Variants in ALPK3 observed in about 807,000 individuals in gnomAD.
The protein encoded by ALPK3 is alpha-protein kinase 3.
In ALPK3, 102 loss-of-function variants were observed where a neutral mutation model predicts 140.0. The ratio of observed to expected loss-of-function variants is 0.73; its 90% CI spans 0.62 to 0.86. The LOEUF is 0.86. ALPK3 is among the 40% of genes least tolerant of loss of function. The probability of loss-of-function intolerance (pLI) is 0.00; values close to 1 mark genes in which losing one functional copy is unlikely to be tolerated. For synonymous variants in ALPK3, 938 were observed against 898.5 expected, an observed-to-expected ratio of 1.04 and a Z score of -0.79; for missense variants, 2,254 against 2,208.2, an observed-to-expected ratio of 1.02 and a Z score of -0.42.
At chr15:84,867,393 C>T in intron 13 of ALPK3, 28 bp downstream of exon 13, 1 of 1,612,752 alleles carries the variant, frequency 6.2e-7, no homozygotes, top group Non-Finnish European at 8.5e-7. Flanking sequence ...ACAGAATGCC[C>T]TCTGGGCGTC....
At chr15:84,838,660 C>T (rs1963621886) in intron 3 of ALPK3, among the ~76,000 whole-genome samples, 1 of 147,566 alleles carries the variant, frequency 6.8e-6, no homozygotes. Context: ...CTCACTATCG[C>T]CTAGGCTAGA....
Position 84,868,509 on chromosome 15 carries a change from C to T in ALPK3, c.*53C>T, listed in dbSNP as rs1434961738. On this transcript the variant is annotated 3_prime_UTR_variant, in exon 14 of 14. Coordinates refer to ENST00000258888, the MANE Select transcript of ALPK3 (RefSeq NM_020778.5). ...CAGCAGCAGACCAACCAGGAAGCAG[C>T]TTGAACTGGATGGAGACTTTCCAAA... The T allele has an allele frequency of 6.7e-7, 1 of 1,499,076 alleles. No homozygotes were observed. The highest frequency in any genetic ancestry group is 1.4e-5 in the African/African-American group (1 of 71,384). The allele number at this position is 1,499,076 out of a possible 1,614,324, so 92.9% of individuals were successfully genotyped here.
At position 84,858,273 on chromosome 15, in the gene ALPK3, G is replaced by A. The variant is rs776845827; in HGVS notation, c.3535G>A (p.Glu1179Lys). The change falls in exon 6 of 14, where the codon GAG (glutamate) becomes AAG (lysine). Residue 1179 changes from glutamate (E) to lysine (K), a missense_variant. This residue lies in a region of ALPK3 where 2,088 missense variants were observed against 2,022.9 expected (regional missense o/e 1.03). Coordinates refer to ENST00000258888, the MANE Select transcript of ALPK3 (RefSeq NM_020778.5). Reference protein sequence around the residue: ...LPKVRAAGDGEATTPEERESP... With the variant: ...LPKVRAAGDGKATTPEERESP... ...TAAGGTCAGAGCAGCAGGAGACGGGGAGGCAACCACACCTGAAGAAAGGGA... is the reference window on the plus strand; with the variant it reads ...TAAGGTCAGAGCAGCAGGAGACGGGAAGGCAACCACACCTGAAGAAAGGGA... 13 of 1,592,386 alleles carry A rather than the reference G, an allele frequency of 8.2e-6. No individual in the cohort carries two copies. The Admixed American group carries it at 2.1e-4, about 26-fold the overall frequency.
At chr15:84,822,855 C>T (rs1036760278) in intron 1 of ALPK3, among the ~76,000 whole-genome samples, 1 of 152,246 alleles carries the variant, frequency 6.6e-6, no homozygotes, top group Admixed American at 6.5e-5. Flanking sequence ...CATACTTTAA[C>T]ATATTAATGA....
At chr15:84,860,126 G>A (rs761875389) in intron 9 of ALPK3, 54 bp downstream of exon 9, 106 of 1,597,990 alleles carry the variant, frequency 6.6e-5, no homozygotes, top group Non-Finnish European at 8.0e-5. Context: ...CATCTGCAGG[G>A]AGGACCCTCT....
In ALPK3 at chr15:84,846,877, GC is replaced by G. The variant is rs372811489; in HGVS notation, c.1653+5947del. On this transcript the variant is annotated intron_variant, in intron 5 of 13. Transcript: ENST00000258888. ...CCTCCTGGGTTCAAGAGATTCTCCT[GC>G]CTCAGCCTCCTGAGGGAGTAGCTGG... Among the ~76,000 whole-genome samples the G allele has an allele frequency of 2.0e-3, 300 of 152,162 alleles. 3 individuals carry two copies. The highest frequency in any genetic ancestry group is 6.8e-3 in the African/African-American group (282 of 41,518).
chr15:84,822,697 C>T (rs1567085975), intron 1 of ALPK3, among the ~76,000 whole-genome samples: 1 of 152,172 alleles, frequency 6.6e-6, no homozygotes, highest in Non-Finnish European at 1.5e-5. Context: ...CCTAGCTGCC[C>T]CAGGCAAGAG....
chr15:84,865,540 T>C lies in ALPK3; in HGVS notation c.4723+875T>C, dbSNP rs569881429. 4.6e-5 allele frequency among the ~76,000 whole-genome samples: 7 copies of C among 152,320 alleles called. No individual in the cohort carries two copies. The East Asian group carries it at 1.2e-3, about 25-fold the overall frequency. On this transcript the variant is annotated intron_variant, in intron 12 of 13. Transcript: ENST00000258888. ...CTTATAAACTCATGCTTCCATCCTT[T>C]TTCCATCCAACCATTACTAAATATT...
Position 84,840,765 on chromosome 15 carries a change from A to T in ALPK3, c.1486A>T (p.Ser496Cys). The T allele has an allele frequency of 4.3e-6, 7 of 1,614,250 alleles. No homozygotes were observed. Among genetic ancestry groups the T allele is most frequent in the Non-Finnish European group, 5.9e-6 (7 of 1,180,042 alleles). Residue 496 changes from serine (S) to cysteine (C), a missense_variant, in exon 5 of 14, where the codon AGC becomes TGC. Physicochemically the swap from Ser to Cys is moderately radical, Grantham distance 112. This residue lies in a region of ALPK3 where 2,088 missense variants were observed against 2,022.9 expected (regional missense o/e 1.03). Coordinates refer to ENST00000258888, the MANE Select transcript of ALPK3 (RefSeq NM_020778.5). ...PKPKGEATTD[S>C]KPISSLSQAP... ...GCCCAAAGGAGAGGCCACCACTGAC[A>T]GCAAGCCCATTTCTTCTCTGAGTCA...
At chr15:84,821,765 G>T (rs1413099377) in intron 1 of ALPK3, among the ~76,000 whole-genome samples, 1 of 151,914 alleles carries the variant, frequency 6.6e-6, no homozygotes, top group African/African-American at 2.4e-5. Flanking sequence ...TAGAACAGCA[G>T]TTAAATACCC....
intron 5 of ALPK3, among the ~76,000 whole-genome samples, chr15:84,852,056 C>T (rs1475006967): frequency 2.0e-5 from 3 of 152,140 alleles, no homozygotes; most frequent in Non-Finnish European, 4.4e-5. Flanking sequence ...GCAGATAGTA[C>T]CAAACCCTAT....
At chr15:84,833,461 G>A (rs1382799331) in intron 3 of ALPK3, among the ~76,000 whole-genome samples, 1 of 152,228 alleles carries the variant, frequency 6.6e-6, no homozygotes, top group Non-Finnish European at 1.5e-5. Context: ...AAGAGTCAGG[G>A]TTAGACACGG....
At chr15:84,850,850 C>T (rs1963793869) in intron 5 of ALPK3, among the ~76,000 whole-genome samples, 1 of 148,148 alleles carries the variant, frequency 6.8e-6, no homozygotes, top group Non-Finnish European at 1.5e-5. Flanking sequence ...TATGACATTC[C>T]TTCTCATATC....
rs988711998 is a variant in ALPK3, at chr15:84,858,472, G to T, written c.3734G>T (p.Gly1245Val). ...GACCTGGGCCCCAGCCCCAAGGCCG[G>T]CGGTCTGGACACAGAGGTGGCCCTG... is the stretch of plus-strand genomic sequence containing the variant. Reference protein sequence around the residue: ...AGDLGPSPKAGGLDTEVALDE... With the variant: ...AGDLGPSPKAVGLDTEVALDE... Residue 1245 changes from glycine (G) to valine (V), a missense_variant, in exon 6 of 14, where the codon GGC becomes GTC. This residue lies in a region of ALPK3 where 2,088 missense variants were observed against 2,022.9 expected (regional missense o/e 1.03). Coordinates refer to ENST00000258888, the MANE Select transcript of ALPK3 (RefSeq NM_020778.5). 2 of 1,573,242 alleles carry T rather than the reference G, an allele frequency of 1.3e-6. No homozygotes were observed. Among genetic ancestry groups the T allele is most frequent in the Non-Finnish European group, 8.6e-7 (1 of 1,164,416 alleles).
In ALPK3 at chr15:84,868,632, GCATGGCACATAGCCCACTGGC is replaced by G. The variant is rs1964032257; in HGVS notation, c.*178_*198del. 1.5e-6 allele frequency: 1 copy of G among 677,594 alleles called. No individual in the cohort carries two copies. The allele number at this position is 677,594 out of a possible 1,614,324, so 42.0% of individuals were successfully genotyped here. A position where few individuals can be genotyped will look rare whatever the true frequency, so the allele number is the denominator to read the frequency against. ...CAGCTCGTCATCAGATGGCTTTGGT[GCATGGCACATAGCCCACTGGC>G]CTCTTCTGGTGCCACTGTCACCCAG... is the stretch of plus-strand genomic sequence containing the variant. On this transcript the variant is annotated 3_prime_UTR_variant, in exon 14 of 14. Transcript: ENST00000258888.
Position 84,868,106 on chromosome 15 carries a change from T to C in ALPK3, c.4773-5T>C. On this transcript the variant is annotated splice_polypyrimidine_tract_variant and splice_region_variant and intron_variant, in intron 13 of 13. Coordinates refer to ENST00000258888, the MANE Select transcript of ALPK3 (RefSeq NM_020778.5). ...CCCCACTCAGCTCTTCCTGTCTGGC[T>C]GCAGATACCAGGGCCTCAAGGAAAG... 6.2e-7 allele frequency: 1 copy of C among 1,605,352 alleles called. No individual in the cohort carries two copies. Among genetic ancestry groups the C allele is most frequent in the Non-Finnish European group, 8.5e-7 (1 of 1,173,816 alleles).
At position 84,859,238 on chromosome 15, in the gene ALPK3, C is replaced by T; in HGVS notation, c.3818-5C>T. 2 of 1,613,974 alleles carry T rather than the reference C, an allele frequency of 1.2e-6. No homozygotes were observed. The highest frequency in any genetic ancestry group is 1.1e-5 in the South Asian group (1 of 91,062). Reference sequence around the variant, plus strand: ...GTTCCCCTCTTGACTGGGCCCTGCTCTCAGCCCCACAGGTGATCCGGAAGA... The same window carrying T: ...GTTCCCCTCTTGACTGGGCCCTGCTTTCAGCCCCACAGGTGATCCGGAAGA... On this transcript the variant is annotated splice_polypyrimidine_tract_variant and splice_region_variant and intron_variant, in intron 6 of 13. Transcript: ENST00000258888.
At position 84,856,218 on chromosome 15, in the gene ALPK3, T is replaced by C. The variant is rs73437960; in HGVS notation, c.1654-174T>C. 0.14 allele frequency among the ~76,000 whole-genome samples: 21,335 copies of C among 152,140 alleles called. 1,671 individuals are homozygous for C. The highest frequency in any genetic ancestry group is 0.19 in the East Asian group (986 of 5,162). On this transcript the variant is annotated intron_variant, in intron 5 of 13. Coordinates refer to ENST00000258888, the MANE Select transcript of ALPK3 (RefSeq NM_020778.5). Reference sequence around the variant, plus strand: ...GGGTGAGTGGGCATGGATGGGGCTTTGGGCATTTGTCACATGTCTTTGCCT... The same window carrying C: ...GGGTGAGTGGGCATGGATGGGGCTTCGGGCATTTGTCACATGTCTTTGCCT...
In ALPK3 at chr15:84,856,689, C is replaced by T. The variant is rs759761909; in HGVS notation, c.1951C>T (p.Pro651Ser). 1.8e-5 allele frequency: 29 copies of T among 1,613,976 alleles called. No individual in the cohort carries two copies. In the South Asian group the frequency reaches 3.2e-4, roughly 18 times the overall value. Residue 651 changes from proline to serine, a missense_variant, in exon 6 of 14, where the codon CCA becomes TCA. Physicochemically the swap from Pro to Ser is moderately conservative, Grantham distance 74 (BLOSUM62 -1). This residue lies in a region of ALPK3 where 2,088 missense variants were observed against 2,022.9 expected (regional missense o/e 1.03). Coordinates refer to ENST00000258888, the MANE Select transcript of ALPK3 (RefSeq NM_020778.5). ...TGCTGGGACACAAGAAAGCAAGAGG[C>T]CACAGTCAGACAGGAGTGCACAGAA... is the stretch of plus-strand genomic sequence containing the variant. ...VDAGTQESKR[P>S]QSDRSAQKGM...
Sources: allele counts gnomAD v4.1 joint callset (sites outside exome capture counted in the v4.1 genomes callset), GRCh38; gene constraint gnomAD v4.1.1; regional missense constraint gnomAD v4.1.1; transcripts MANE v1.5; gene names NCBI Gene and HGNC (gene_info 2026-07-23, HGNC 2026-07-21).